LCP2: variants seen among roughly 807,000 people sequenced by gnomAD.
LCP2 encodes the protein lymphocyte cytosolic protein 2.
A neutral mutation model predicts 74.5 loss-of-function variants in LCP2; 29 were observed. That is an observed-to-expected ratio of 0.39 (90% CI 0.29 to 0.53). The LOEUF is 0.53. Ranked by LOEUF, LCP2 falls within the 20% of genes least tolerant of loss-of-function variation. The pLI, the probability that LCP2 is intolerant of heterozygous loss-of-function variation, is 0.72. For missense variants in LCP2, 604 were observed against 634.6 expected (o/e 0.95, Z 0.52); for synonymous variants, 228 against 229.5 (o/e 0.99, Z 0.06).
In LCP2 at chr5:170,263,086, C is replaced by T. The variant is rs1027381596; in HGVS notation, c.773-94G>A. The T allele has an allele frequency of 1.9e-5, 27 of 1,438,456 alleles. No individual in the cohort carries two copies. The African/African-American group carries it at 2.8e-4, about 15-fold the overall frequency. 89.1% of individuals were successfully genotyped at this position (1,438,456 alleles called of 1,614,324 possible). A position where few individuals can be genotyped will look rare whatever the true frequency, so the allele number is the denominator to read the frequency against. On this transcript the variant is annotated intron_variant, in intron 10 of 20. Transcript: ENST00000046794. Reference sequence around the variant, plus strand: ...TTTGATGAAACTATGAGTCTGAACCCTCTTGGGGGTTGATGGGGTTTAAGC... The same window carrying T: ...TTTGATGAAACTATGAGTCTGAACCTTCTTGGGGGTTGATGGGGTTTAAGC...
intron 3 of LCP2, among the ~76,000 whole-genome samples, chr5:170,277,129 G>A (rs1464776379): frequency 2.0e-5 from 3 of 149,870 alleles, no homozygotes; most frequent in African/African-American, 4.9e-5. Context: ...AGTAGTTAGT[G>A]GTAAAGGCCA....
intron 10 of LCP2, among the ~76,000 whole-genome samples, chr5:170,265,886 C>A (rs539854897): frequency 9.8e-5 from 15 of 152,294 alleles, no homozygotes; most frequent in Non-Finnish European, 1.9e-4. Flanking sequence ...TAGTTCACAG[C>A]AAGTTAAAAC....
chr5:170,275,994 C>T (rs1762001233), intron 3 of LCP2, 134 bp from the exon 4 acceptor site: 4 of 693,708 alleles, frequency 5.8e-6, no homozygotes, highest in African/African-American at 1.8e-5. Context: ...TCTTTGTCAC[C>T]TCTGCAGGGA....
At position 170,288,616 on chromosome 5, in the gene LCP2, T is replaced by C. The variant is rs564715658; in HGVS notation, c.142-600A>G. ...CAAGAACTAACTCTGGGCCTCCACC[T>C]CTTAATGCTTTAGTGAATCCTCACA... On this transcript the variant is annotated intron_variant, in intron 2 of 20. Coordinates refer to ENST00000046794, the MANE Select transcript of LCP2 (RefSeq NM_005565.5). 9.8e-5 allele frequency among the ~76,000 whole-genome samples: 15 copies of C among 152,334 alleles called. No homozygotes were observed. The South Asian group carries it at 3.1e-3, about 32-fold the overall frequency.
chr5:170,266,731 A>G, intron 10 of LCP2, 77 bp downstream of exon 10: 2 of 1,178,178 alleles, frequency 1.7e-6, no homozygotes, highest in Non-Finnish European at 2.6e-6. Flanking sequence ...ATGAGATGGT[A>G]CATGTGAAAC....
chr5:170,295,907 C>A (rs1561980739), intron 1 of LCP2, among the ~76,000 whole-genome samples: 1 of 152,154 alleles, frequency 6.6e-6, no homozygotes. Flanking sequence ...TCCCTTCCCC[C>A]AGCTCAGGCA....
intron 3 of LCP2, among the ~76,000 whole-genome samples, chr5:170,277,864 G>A (rs1762033260): frequency 6.6e-6 from 1 of 152,110 alleles, no homozygotes; most frequent in African/African-American, 2.4e-5. Flanking sequence ...GGAGGAAGGG[G>A]AGGGAAAGGT....
At position 170,297,208 on chromosome 5, in the gene LCP2, G is replaced by C. The variant is rs1201828056; in HGVS notation, c.78+326C>G. Among the ~76,000 whole-genome samples the C allele has an allele frequency of 3.3e-5, 5 of 152,310 alleles. No homozygotes were observed. The South Asian group carries it at 1.0e-3, about 32-fold the overall frequency. On this transcript the variant is annotated intron_variant, in intron 1 of 20. Coordinates refer to ENST00000046794, the MANE Select transcript of LCP2 (RefSeq NM_005565.5). ...TTCACTTCCCTGAGCTGATTTTGCA[G>C]CTGAGTCAAGGGGATAACAATGCTG...
At chr5:170,265,177 C>T (rs992972779) in intron 10 of LCP2, among the ~76,000 whole-genome samples, 2 of 151,812 alleles carry the variant, frequency 1.3e-5, no homozygotes, top group African/African-American at 2.4e-5. Flanking sequence ...TTAATAGAGA[C>T]GGGGTTTCAC....
chr5:170,278,410 T>TGGGAGTGCAGGGGTG (rs1762045218), intron 3 of LCP2, among the ~76,000 whole-genome samples: 1 of 7,404 alleles, frequency 1.4e-4, no homozygotes, highest in African/African-American at 8.7e-4. Context: ...GTGCAGGGGT[T>TGGGAGTGCAGGGGTG]GGGGGCGGGG....
chr5:170,276,905 GTC>G (rs1762015922), intron 3 of LCP2, among the ~76,000 whole-genome samples: 1 of 151,546 alleles, frequency 6.6e-6, no homozygotes, highest in Non-Finnish European at 1.5e-5. Flanking sequence ...GTGAAACCCC[GTC>G]TCTACTAAAA....
At chr5:170,288,955 A>T (rs147092039) in intron 2 of LCP2, among the ~76,000 whole-genome samples, 1 of 152,200 alleles carries the variant, frequency 6.6e-6, no homozygotes, top group African/African-American at 2.4e-5. Flanking sequence ...CATAGAACCA[A>T]TGATGAGCCA....
chr5:170,287,884 C>T, intron 3 of LCP2, 86 bp downstream of exon 3: 1 of 1,239,502 alleles, frequency 8.1e-7, no homozygotes, highest in Non-Finnish European at 1.2e-6. Flanking sequence ...CCGACAATGA[C>T]ATAGAACTGA....
chr5:170,263,996 A>G (rs1444976241), intron 10 of LCP2, among the ~76,000 whole-genome samples: 1 of 152,172 alleles, frequency 6.6e-6, no homozygotes, highest in Non-Finnish European at 1.5e-5. Flanking sequence ...GACACATAAC[A>G]TTGCTCCAGA....
intron 10 of LCP2, among the ~76,000 whole-genome samples, chr5:170,264,701 GAGA>G (rs1470863190): frequency 6.6e-6 from 1 of 152,056 alleles, no homozygotes; most frequent in Non-Finnish European, 1.5e-5. Flanking sequence ...TGGGAGGCTG[GAGA>G]AGAAGGATTG....
intron 20 of LCP2, among the ~76,000 whole-genome samples, chr5:170,249,377 T>TAG (rs1378918562): frequency 6.3e-5 from 8 of 127,572 alleles, no homozygotes; most frequent in African/African-American, 1.3e-4. Flanking sequence ...TATATATATA[T>TAG]ATATCTACAT....
chr5:170,267,770 A>T (rs188748691), intron 8 of LCP2, among the ~76,000 whole-genome samples: 79 of 152,296 alleles, frequency 5.2e-4, no homozygotes, highest in Non-Finnish European at 7.8e-4. Flanking sequence ...GGCACATAGT[A>T]GCTGCTCAGA....
chr5:170,295,808 C>A (rs147177117), intron 1 of LCP2, among the ~76,000 whole-genome samples: 1 of 152,286 alleles, frequency 6.6e-6, no homozygotes, highest in East Asian at 1.9e-4. Flanking sequence ...CTCCTAGTTT[C>A]TTCCCTCAGT....
intron 12 of LCP2, 43 bp from the exon 13 acceptor site, chr5:170,262,785 C>T (rs757372940): frequency 1.4e-5 from 23 of 1,613,592 alleles, no homozygotes; most frequent in South Asian, 8.8e-5. Flanking sequence ...CAAACTTTGC[C>T]GAGGCAGAGT....
Sources: gnomAD v4.1 joint callset for allele counts (sites outside exome capture counted in the v4.1 genomes callset) on GRCh38, gnomAD v4.1.1 for gene constraint, MANE v1.5 for transcripts, NCBI Gene and HGNC (gene_info 2026-07-23, HGNC 2026-07-21) for gene names.